The following TRIM33 variants were observed in gnomAD, a reference collection of about 807,000 sequenced individuals.
TRIM33 encodes the protein E3 ubiquitin-protein ligase TRIM33.
A neutral mutation model predicts 125.4 loss-of-function variants in TRIM33; 20 were observed. The observed-to-expected ratio is 0.16, with a 90% confidence interval of 0.11 to 0.23. TRIM33 has a LOEUF of 0.23. Among genes scored for constraint, TRIM33 ranks in the 10% least tolerant of loss-of-function variants. The probability of loss-of-function intolerance (pLI) is 1.00; values close to 1 mark genes in which losing one functional copy is unlikely to be tolerated. For missense variants in TRIM33, 920 were observed against 1,411.4 expected, an observed-to-expected ratio of 0.65 and a Z score of 5.58; for synonymous variants, 564 against 513.9, an observed-to-expected ratio of 1.10 and a Z score of -1.32.
chr1:114,478,234 T>C (rs1459080994), intron 1 of TRIM33, among the ~76,000 whole-genome samples: 1 of 152,160 alleles, frequency 6.6e-6, no homozygotes, highest in Non-Finnish European at 1.5e-5. Flanking sequence ...GTCTGAAAAA[T>C]CAGTAGTTTT....
intron 1 of TRIM33, among the ~76,000 whole-genome samples, chr1:114,466,609 T>G (rs1018183605): frequency 2.0e-5 from 3 of 152,142 alleles, no homozygotes; most frequent in Non-Finnish European, 4.4e-5. Context: ...GAGACTGATC[T>G]CCAAAACTTA....
At chr1:114,408,811 G>T in intron 12 of TRIM33, 71 bp from the exon 13 acceptor site, 1 of 1,056,454 alleles carries the variant, frequency 9.5e-7, no homozygotes, top group Non-Finnish European at 1.4e-6. Flanking sequence ...ACCGGTCACA[G>T]AACTCAAGAT....
At chr1:114,431,432 T>C (rs551949563) in intron 5 of TRIM33, among the ~76,000 whole-genome samples, 13 of 152,366 alleles carry the variant, frequency 8.5e-5, no homozygotes, top group African/African-American at 3.1e-4. Context: ...TCCCTTTGTA[T>C]ACAGTAAAGG....
intron 4 of TRIM33, among the ~76,000 whole-genome samples, chr1:114,443,199 T>C (rs561963728): frequency 3.3e-5 from 5 of 150,348 alleles, no homozygotes; most frequent in Admixed American, 6.6e-5. Flanking sequence ...CTGGCCAACA[T>C]AGTGAAACCC....
intron 4 of TRIM33, among the ~76,000 whole-genome samples, chr1:114,440,074 A>G (rs1014668588): frequency 6.6e-6 from 1 of 152,182 alleles, no homozygotes; most frequent in Admixed American, 6.5e-5. Context: ...TTATGACCTT[A>G]ACATAAGGGT....
intron 4 of TRIM33, among the ~76,000 whole-genome samples, chr1:114,458,381 AT>A (rs962334418): frequency 2.0e-5 from 3 of 152,098 alleles, no homozygotes; most frequent in Non-Finnish European, 4.4e-5. Context: ...TGTTTGAGAT[AT>A]TTTTCAGACT....
At chr1:114,487,930 AT>A (rs1165410210) in intron 1 of TRIM33, among the ~76,000 whole-genome samples, 59 of 148,248 alleles carry the variant, frequency 4.0e-4, no homozygotes, top group African/African-American at 7.5e-4. Flanking sequence ...AAAAAAAAAA[AT>A]GAGAGTAAAT....
At chr1:114,459,961 G>T in intron 4 of TRIM33, 2 of 157,908 alleles carry the variant, frequency 1.3e-5, no homozygotes, top group South Asian at 3.5e-4. Flanking sequence ...TGTAACTTCT[G>T]ACTGAAGCAA....
intron 1 of TRIM33, 49 bp downstream of exon 1, chr1:114,510,502 T>C: frequency 1.4e-6 from 2 of 1,434,648 alleles, no homozygotes; most frequent in East Asian, 2.7e-5. Flanking sequence ...TCCTCTAGGG[T>C]TGCGCAAATC....
At chr1:114,486,665 C>CAAAAG (rs948647566) in intron 1 of TRIM33, among the ~76,000 whole-genome samples, 12 of 150,816 alleles carry the variant, frequency 8.0e-5, no homozygotes, top group African/African-American at 1.2e-4. Flanking sequence ...ATCAAGAGAC[C>CAAAAG]AAAAGAAAAG....
chr1:114,507,343 G>A (rs193049077), intron 1 of TRIM33, among the ~76,000 whole-genome samples: 1 of 152,276 alleles, frequency 6.6e-6, no homozygotes, highest in Admixed American at 6.5e-5. Flanking sequence ...GTTGATCCAG[G>A]AACCACACTC....
At chr1:114,401,607 A>C in intron 16 of TRIM33, 144 bp from the exon 17 acceptor site, 1 of 534,236 alleles carries the variant, frequency 1.9e-6, no homozygotes, top group Non-Finnish European at 3.3e-6. Flanking sequence ...AACTAAACAT[A>C]AACACCCAAA....
intron 8 of TRIM33, among the ~76,000 whole-genome samples, chr1:114,426,732 T>C (rs773634728): frequency 4.6e-5 from 7 of 152,182 alleles, no homozygotes; most frequent in African/African-American, 7.2e-5. Context: ...TTCTCTTCCA[T>C]GTGAAAAGAG....
chr1:114,435,823 C>A (rs1648242051), intron 4 of TRIM33, among the ~76,000 whole-genome samples: 1 of 150,756 alleles, frequency 6.6e-6, no homozygotes, highest in Non-Finnish European at 1.5e-5. Context: ...AACTCATAAG[C>A]CCAAGCAATC....
At chr1:114,492,099 G>A (rs1652105308) in intron 1 of TRIM33, among the ~76,000 whole-genome samples, 1 of 152,130 alleles carries the variant, frequency 6.6e-6, no homozygotes, top group Non-Finnish European at 1.5e-5. Flanking sequence ...CCTCAGCTGG[G>A]AATATGTGAA....
At chr1:114,410,090 C>T (rs1214744211) in intron 12 of TRIM33, 94 bp downstream of exon 12, 2 of 1,446,230 alleles carry the variant, frequency 1.4e-6, no homozygotes, top group African/African-American at 2.8e-5. Context: ...AGACCTCCTA[C>T]TTATTCTGTT....
intron 1 of TRIM33, among the ~76,000 whole-genome samples, chr1:114,477,438 C>A (rs1651045043): frequency 6.6e-6 from 1 of 151,804 alleles, no homozygotes; most frequent in African/African-American, 2.4e-5. Context: ...ATTAATGGAA[C>A]AGATTCTGGA....
At position 114,393,299 on chromosome 1, in the gene TRIM33, T is replaced by C. The variant is rs1455610695; in HGVS notation, c.*4349A>G. 2 of 199,898 alleles carry C rather than the reference T, an allele frequency of 1.0e-5. No homozygotes were observed. The highest frequency in any genetic ancestry group is 1.5e-4 in the East Asian group (2 of 12,978). 12.4% of individuals were successfully genotyped at this position (199,898 alleles called of 1,614,324 possible). ...ATATGTTTCACTGTGTTTTAAAATG[T>C]AGTAGATGCCTACATTTTTCAGAAC... On this transcript the variant is annotated 3_prime_UTR_variant, in exon 20 of 20. Transcript: ENST00000358465.
intron 1 of TRIM33, among the ~76,000 whole-genome samples, chr1:114,469,704 G>A (rs972966616): frequency 6.6e-6 from 1 of 152,214 alleles, no homozygotes; most frequent in African/African-American, 2.4e-5. Context: ...TTATAGCAAT[G>A]GAGGTAGCGG....
Sources: gnomAD v4.1 joint callset for allele counts (sites outside exome capture counted in the v4.1 genomes callset) on GRCh38, gnomAD v4.1.1 for gene constraint, MANE v1.5 for transcripts, NCBI Gene and HGNC (gene_info 2026-07-23, HGNC 2026-07-21) for gene names.